The following PCDHGA10 variants were observed in gnomAD, a reference collection of about 807,000 sequenced individuals.
PCDHGA10 encodes the protein protocadherin gamma subfamily A, 10.
Under a neutral mutation model 59.5 loss-of-function variants are expected in PCDHGA10, and 42 were observed. The ratio of observed to expected loss-of-function variants is 0.71; its 90% CI spans 0.55 to 0.91. PCDHGA10 has a LOEUF of 0.91. PCDHGA10 is among the 40% of genes least tolerant of loss of function. PCDHGA10 has a pLI of 0.00. For missense variants in PCDHGA10, 1,111 were observed against 1,198.2 expected, an observed-to-expected ratio of 0.93 and a Z score of 1.07; for synonymous variants, 511 against 517.2, an observed-to-expected ratio of 0.99 and a Z score of 0.16.
intron 1 of PCDHGA10, among the ~76,000 whole-genome samples, chr5:141,466,387 A>G (rs1312030857): frequency 1.3e-5 from 2 of 152,108 alleles, no homozygotes; most frequent in Non-Finnish European, 2.9e-5. Flanking sequence ...CATCTAATGG[A>G]AAGTTTGCTC....
intron 1 of PCDHGA10, chr5:141,478,935 A>G: frequency 1.6e-6 from 1 of 638,574 alleles, no homozygotes. Flanking sequence ...GGCAGCTTCT[A>G]GGAATACAAA....
chr5:141,489,431 T>C lies in PCDHGA10; in HGVS notation c.2437-5376T>C. 6.2e-7 allele frequency: 1 copy of C among 1,614,132 alleles called. No individual in the cohort carries two copies. Among genetic ancestry groups the C allele is most frequent in the Non-Finnish European group, 8.5e-7 (1 of 1,180,024 alleles). On this transcript the variant is annotated intron_variant, in intron 1 of 3. Transcript: ENST00000398610. This position sits in a 1 kb window ranked among gnomAD's most constrained non-coding sequence, Gnocchi z 4.5. ...ATGACAGATCTGTTGAGCCGGCGGC[T>C]GCAATTGGGCTCTGAGGAGAATGGG...
intron 1 of PCDHGA10, among the ~76,000 whole-genome samples, chr5:141,461,391 G>A (rs1310387476): frequency 1.3e-5 from 2 of 152,058 alleles, no homozygotes; most frequent in East Asian, 1.9e-4. Context: ...GATGATTAGC[G>A]ATGTTGAGCA....
Position 141,477,673 on chromosome 5 carries a change from G to A in PCDHGA10, c.2437-17134G>A. The A allele has an allele frequency of 1.2e-6, 2 of 1,614,168 alleles. No individual in the cohort carries two copies. The highest frequency in any genetic ancestry group is 8.5e-7 in the Non-Finnish European group (1 of 1,180,050). ...CAATAAATCGTGACAATGGCATAGT[G>A]TCATCCTTAGTGCCCCTAGACTATG... On this transcript the variant is annotated intron_variant, in intron 1 of 3. Coordinates refer to ENST00000398610, the MANE Select transcript of PCDHGA10 (RefSeq NM_018913.3). This position sits in a 1 kb window ranked among gnomAD's most constrained non-coding sequence, Gnocchi z 4.9.
intron 1 of PCDHGA10, chr5:141,430,966 A>G: frequency 1.2e-6 from 2 of 1,612,916 alleles, no homozygotes. Context: ...TCATCCCCAG[A>G]GGTAGGACGC....
At position 141,486,484 on chromosome 5, in the gene PCDHGA10, C is replaced by G. The variant is rs200150307; in HGVS notation, c.2437-8323C>G. ...ATGCTGGGAACCCTCCTCTCAGTAC[C>G]CACAGAACTATTTTCCTCAATATTT... On this transcript the variant is annotated intron_variant, in intron 1 of 3. Transcript: ENST00000398610. The surrounding 1 kb of genome is among the most constrained non-coding windows in gnomAD (Gnocchi z 5.0). The G allele has an allele frequency of 2.8e-5, 45 of 1,614,102 alleles. No homozygotes were observed. In the Admixed American group the frequency reaches 5.5e-4, roughly 20 times the overall value.
At chr5:141,501,146 T>C (rs2299023) in intron 2 of PCDHGA10, among the ~76,000 whole-genome samples, 88,663 of 152,012 alleles carry the variant, frequency 0.58, 27,355 homozygotes, top group African/African-American at 0.78. Context: ...GGATTACAGG[T>C]GGGAGCCACC....
chr5:141,424,203 GC>G (rs777832241), intron 1 of PCDHGA10: 3 of 175,740 alleles, frequency 1.7e-5, no homozygotes, highest in Non-Finnish European at 3.6e-5. Flanking sequence ...ATACACGTAA[GC>G]TTTTCTCTGA....
chr5:141,419,698 G>A, intron 1 of PCDHGA10: 1 of 1,612,978 alleles, frequency 6.2e-7, no homozygotes, highest in Non-Finnish European at 8.5e-7. Context: ...AGGCCAGTGA[G>A]CCCGGGCTCT....
rs2099811015 is a variant in PCDHGA10 at position 141,501,774 on chromosome 5, G to GTC, written c.2496-3612_2496-3611dup. ...CTCTCAGTAAATGGTTAAAAAAGAG[G>GTC]TCTCTCTCCCTCTGCTCATCTCTTA... is the stretch of plus-strand genomic sequence containing the variant. On this transcript the variant is annotated intron_variant, in intron 2 of 3. Coordinates refer to ENST00000398610, the MANE Select transcript of PCDHGA10 (RefSeq NM_018913.3). Among the ~76,000 whole-genome samples, 3 of 152,062 alleles carry GTC rather than the reference G, an allele frequency of 2.0e-5. No homozygotes were observed. In the South Asian group the frequency reaches 6.2e-4, roughly 32 times the overall value.
chr5:141,412,995 T>G lies in PCDHGA10; in HGVS notation c.-181T>G. On this transcript the variant is annotated 5_prime_UTR_variant, in exon 1 of 4. Transcript: ENST00000398610. ...AAACGCAGCCAGAGCTCAATCCGGA[T>G]TCTCAGGGCTTCAACTACACAAGCC... 1.7e-6 allele frequency: 1 copy of G among 572,718 alleles called. No individual in the cohort carries two copies. The allele number at this position is 572,718 out of a possible 1,614,324, so 35.5% of individuals were successfully genotyped here.
chr5:141,504,474 G>A (rs903417314), intron 2 of PCDHGA10, among the ~76,000 whole-genome samples: 1 of 152,066 alleles, frequency 6.6e-6, no homozygotes, highest in African/African-American at 2.4e-5. Context: ...TGGGATGGGA[G>A]TACAGTGGAG....
At chr5:141,465,840 A>G (rs1212861707) in intron 1 of PCDHGA10, among the ~76,000 whole-genome samples, 1 of 151,734 alleles carries the variant, frequency 6.6e-6, no homozygotes, top group Non-Finnish European at 1.5e-5. Context: ...ATTTCAACTG[A>G]GGCTGGGCCC....
intron 1 of PCDHGA10, chr5:141,420,546 G>T: frequency 3.5e-6 from 1 of 284,254 alleles, no homozygotes; most frequent in Admixed American, 5.0e-5. Flanking sequence ...ATAAAATACA[G>T]GTATATTTTT....
intron 3 of PCDHGA10, among the ~76,000 whole-genome samples, chr5:141,509,050 C>T (rs867585045): frequency 1.6e-4 from 25 of 152,304 alleles, no homozygotes; most frequent in Admixed American, 5.2e-4. Flanking sequence ...CCCCCGCCCC[C>T]AGAAAGCTCT....
At position 141,422,630 on chromosome 5, in the gene PCDHGA10, G is replaced by A. The variant is rs1193466428; in HGVS notation, c.2436+7019G>A. 5 of 1,613,176 alleles carry A rather than the reference G, an allele frequency of 3.1e-6. No homozygotes were observed. The Admixed American group carries it at 8.3e-5, about 27-fold the overall frequency. On this transcript the variant is annotated intron_variant, in intron 1 of 3. Coordinates refer to ENST00000398610, the MANE Select transcript of PCDHGA10 (RefSeq NM_018913.3). ...GCCTACATTCCCGAAAACAACCCCA[G>A]GGGTGCCTCCATCTTCTCAGTGACC...
chr5:141,490,998 C>T lies in PCDHGA10; in HGVS notation c.2437-3809C>T, dbSNP rs1284919124. 5 of 1,614,014 alleles carry T rather than the reference C, an allele frequency of 3.1e-6. No homozygotes were observed. The highest frequency in any genetic ancestry group is 1.7e-5 in the Admixed American group (1 of 60,016). On this transcript the variant is annotated intron_variant, in intron 1 of 3. Coordinates refer to ENST00000398610, the MANE Select transcript of PCDHGA10 (RefSeq NM_018913.3). The surrounding 1 kb of genome is among the most constrained non-coding windows in gnomAD (Gnocchi z 5.4). Reference sequence around the variant, plus strand: ...GTCTCCCTCGCTCTGCTCCTCCTGGCTCCTTGGTCACCAAGGTGACAGCCG... The same window carrying T: ...GTCTCCCTCGCTCTGCTCCTCCTGGTTCCTTGGTCACCAAGGTGACAGCCG...
rs771162532 is a variant in PCDHGA10, at chr5:141,491,756, C to A, written c.2437-3051C>A. On this transcript the variant is annotated intron_variant, in intron 1 of 3. Transcript: ENST00000398610. The surrounding 1 kb of genome is among the most constrained non-coding windows in gnomAD (Gnocchi z 6.9). ...CCTGGGGGCGGCACTGGAGAAGCCGCCCGTCCTCATAAGGGATTGAACTTG... is the reference window on the plus strand; with the variant it reads ...CCTGGGGGCGGCACTGGAGAAGCCGACCGTCCTCATAAGGGATTGAACTTG... The A allele has an allele frequency of 6.3e-7, 1 of 1,581,720 alleles. No individual in the cohort carries two copies. Among genetic ancestry groups the A allele is most frequent in the Middle Eastern group, 1.7e-4 (1 of 5,958 alleles).
chr5:141,436,167 G>A (rs933669166), intron 1 of PCDHGA10, among the ~76,000 whole-genome samples: 2 of 152,088 alleles, frequency 1.3e-5, no homozygotes, highest in Non-Finnish European at 2.9e-5. Flanking sequence ...CATATGGACA[G>A]TTCTCATATA....
Sources: gnomAD v4.1 joint callset for allele counts (sites outside exome capture counted in the v4.1 genomes callset) on GRCh38, gnomAD v4.1.1 for gene constraint, Gnocchi (gnomAD v3.1) non-coding constraint, MANE v1.5 for transcripts, NCBI Gene and HGNC (gene_info 2026-07-23, HGNC 2026-07-21) for gene names.